The following SH2B3 variants were observed in gnomAD, a reference collection of about 807,000 sequenced individuals.
SH2B3 encodes SH2B adapter protein 3.
In SH2B3, 43 loss-of-function variants were observed where a neutral mutation model predicts 51.9. The observed-to-expected ratio is 0.83, with a 90% confidence interval of 0.65 to 1.07. SH2B3 has a LOEUF of 1.07. Ranked by LOEUF, SH2B3 falls within the 50% of genes least tolerant of loss-of-function variation. The pLI, the probability that SH2B3 is intolerant of heterozygous loss-of-function variation, is 0.00. For synonymous variants in SH2B3, 396 were observed against 376.0 expected (o/e 1.05, Z -0.62); for missense variants, 952 against 834.3 (o/e 1.14, Z -1.74).
rs1267042709 is a variant in SH2B3, at chr12:111,449,812, G to A, written c.*1510G>A. 1.3e-5 allele frequency: 2 copies of A among 152,200 alleles called. No individual in the cohort carries two copies. The highest frequency in any genetic ancestry group is 2.9e-5 in the Non-Finnish European group (2 of 68,054). The allele number at this position is 152,200 out of a possible 1,614,324, so 9.4% of individuals were successfully genotyped here. A position where few individuals can be genotyped will look rare whatever the true frequency, so the allele number is the denominator to read the frequency against. On this transcript the variant is annotated 3_prime_UTR_variant, in exon 8 of 8. Coordinates refer to ENST00000341259, the MANE Select transcript of SH2B3 (RefSeq NM_005475.3). Reference sequence around the variant, plus strand: ...CATAGGACTGACTGCCTGGGAGGAGGGTTAGGTCTGCTTCTTCCACTTATA... The same window carrying A: ...CATAGGACTGACTGCCTGGGAGGAGAGTTAGGTCTGCTTCTTCCACTTATA...
chr12:111,442,545 C>T (rs1202714263), intron 2 of SH2B3, among the ~76,000 whole-genome samples: 3 of 152,108 alleles, frequency 2.0e-5, no homozygotes, highest in Non-Finnish European at 1.5e-5. Flanking sequence ...TGGGGGTTCC[C>T]GGGGGTGGGC....
intron 6 of SH2B3, 36 bp from the exon 7 acceptor site, chr12:111,447,620 G>A (rs1874140988): frequency 6.2e-7 from 1 of 1,610,054 alleles, no homozygotes; most frequent in Admixed American, 1.7e-5. Context: ...GGGTCCTAGA[G>A]GGACAGCCCG....
At chr12:111,427,562 A>G (rs1207991856) in intron 2 of SH2B3, among the ~76,000 whole-genome samples, 1 of 152,126 alleles carries the variant, frequency 6.6e-6, no homozygotes, top group Non-Finnish European at 1.5e-5. Context: ...AGCAGCTGCT[A>G]GGCTGGAGTA....
chr12:111,418,783 G>A lies in SH2B3; in HGVS notation c.638G>A (p.Ser213Asn). The A allele has an allele frequency of 6.8e-7, 1 of 1,466,728 alleles. No homozygotes were observed. The highest frequency in any genetic ancestry group is 1.3e-5 in the South Asian group (1 of 76,508). The allele number at this position is 1,466,728 out of a possible 1,614,324, so 90.9% of individuals were successfully genotyped here. A position where few individuals can be genotyped will look rare whatever the true frequency, so the allele number is the denominator to read the frequency against. Residue 213 changes from serine (S) to asparagine (N), a missense_variant, in exon 2 of 8, where the codon AGC (serine) becomes AAC (asparagine). Physicochemically the swap from Ser to Asn is conservative, Grantham distance 46. Coordinates refer to ENST00000341259, the MANE Select transcript of SH2B3 (RefSeq NM_005475.3). The surrounding 1 kb of genome is among the most constrained non-coding windows in gnomAD (Gnocchi z 6.7). The stretch of plus-strand genomic sequence containing the variant: ...CTGGCCGACGAGGCCTCCATGGACA[G>A]CGGGGCACGCTGGCAGCGCGGGAGG... ...YSLADEASMD[S>N]GARWQRGRLA...
At chr12:111,442,503 G>A (rs1024734662) in intron 2 of SH2B3, among the ~76,000 whole-genome samples, 2 of 152,206 alleles carry the variant, frequency 1.3e-5, no homozygotes, top group Admixed American at 6.5e-5. Flanking sequence ...AGGCTCTGGG[G>A]AAGGTAAGAC....
At position 111,407,738 on chromosome 12, in the gene SH2B3, G is replaced by A. The variant is rs1169285842; in HGVS notation, c.-28+1461G>A. Among the ~76,000 whole-genome samples, 1 of 152,108 alleles carries A rather than the reference G, an allele frequency of 6.6e-6. No homozygotes were observed. Reference sequence around the variant, plus strand: ...CTAGAACTTTTGTGAGTCCCTGTGGGCCACAGAGCGGCCAGCTGGGAAGGG... The same window carrying A: ...CTAGAACTTTTGTGAGTCCCTGTGGACCACAGAGCGGCCAGCTGGGAAGGG... On this transcript the variant is annotated intron_variant, in intron 1 of 7. Coordinates refer to ENST00000341259, the MANE Select transcript of SH2B3 (RefSeq NM_005475.3). This position sits in a 1 kb window ranked among gnomAD's most constrained non-coding sequence, Gnocchi z 4.3.
At chr12:111,424,187 G>A (rs1871791906) in intron 2 of SH2B3, among the ~76,000 whole-genome samples, 1 of 152,164 alleles carries the variant, frequency 6.6e-6, no homozygotes, top group Admixed American at 6.5e-5. Flanking sequence ...CTGGCCCTGG[G>A]TTTGAATAAT....
intron 2 of SH2B3, among the ~76,000 whole-genome samples, chr12:111,430,264 T>A (rs1593053749): frequency 6.6e-6 from 1 of 152,102 alleles, no homozygotes; most frequent in African/African-American, 2.4e-5. Context: ...CTTATTGGGG[T>A]TCCATGCAAA....
Position 111,433,836 on chromosome 12 carries a change from A to G in SH2B3, c.733-12917A>G, listed in dbSNP as rs1327476889. On this transcript the variant is annotated intron_variant, in intron 2 of 7. Transcript: ENST00000341259. ...ACCATATTTCCCAGGCTGGTCTCGA[A>G]CACCTGGATTCAAGCAGTCCTCTCA... 2.6e-5 allele frequency among the ~76,000 whole-genome samples: 4 copies of G among 152,124 alleles called. No individual in the cohort carries two copies. In the East Asian group the frequency reaches 7.7e-4, roughly 29 times the overall value.
intron 7 of SH2B3, 41 bp downstream of exon 7, chr12:111,447,868 CTG>C: frequency 6.2e-7 from 1 of 1,600,194 alleles, no homozygotes; most frequent in East Asian, 2.2e-5. Flanking sequence ...GTGGCTGACA[CTG>C]GGTAGAGGGT....
intron 2 of SH2B3, among the ~76,000 whole-genome samples, chr12:111,428,513 A>G (rs1229078583): frequency 6.6e-6 from 1 of 152,160 alleles, no homozygotes; most frequent in African/African-American, 2.4e-5. Context: ...AGGCTACGGT[A>G]AGCACTGATA....
chr12:111,435,131 T>G lies in SH2B3; in HGVS notation c.733-11622T>G, dbSNP rs1165946214. On this transcript the variant is annotated intron_variant, in intron 2 of 7. Transcript: ENST00000341259. The surrounding 1 kb of genome is among the most constrained non-coding windows in gnomAD (Gnocchi z 4.8). Reference sequence around the variant, plus strand: ...CACCCGAGACGGGCGACAGAGGTTTTTTGTTGTTTCTTAACCACATCTTTT... The same window carrying G: ...CACCCGAGACGGGCGACAGAGGTTTGTTGTTGTTTCTTAACCACATCTTTT... 1 of 950,830 alleles carries G rather than the reference T, an allele frequency of 1.1e-6. No individual in the cohort carries two copies. The highest frequency in any genetic ancestry group is 2.6e-5 in the Admixed American group (1 of 39,156). The allele number at this position is 950,830 out of a possible 1,614,324, so 58.9% of individuals were successfully genotyped here.
rs978910941 is a variant in SH2B3 at position 111,435,369 on chromosome 12, TTTTTTG to T, written c.733-11377_733-11372del. Among the ~76,000 whole-genome samples the T allele has an allele frequency of 6.6e-6, 1 of 152,190 alleles. No homozygotes were observed. Among genetic ancestry groups the T allele is most frequent in the Non-Finnish European group, 1.5e-5 (1 of 68,032 alleles). Reference sequence around the variant, plus strand: ...CCTGGCTACAGTCCTCACTGGTGTTTTTTTTGTTTTTGAGAGGGCATCTTGAAGTAG... The same window carrying T: ...CCTGGCTACAGTCCTCACTGGTGTTTTTTTTGAGAGGGCATCTTGAAGTAG... On this transcript the variant is annotated intron_variant, in intron 2 of 7. Transcript: ENST00000341259. This position sits in a 1 kb window ranked among gnomAD's most constrained non-coding sequence, Gnocchi z 4.8.
chr12:111,425,733 T>C (rs1051758851), intron 2 of SH2B3, among the ~76,000 whole-genome samples: 4 of 152,156 alleles, frequency 2.6e-5, no homozygotes, highest in Admixed American at 1.3e-4. Flanking sequence ...CCCTCCAGGC[T>C]ACCTGTGGTC....
intron 2 of SH2B3, among the ~76,000 whole-genome samples, chr12:111,434,274 T>C (rs545439240): frequency 3.3e-5 from 5 of 152,330 alleles, no homozygotes; most frequent in African/African-American, 1.2e-4. Flanking sequence ...AGAACATTTC[T>C]ATCACCCTAG....
intron 2 of SH2B3, among the ~76,000 whole-genome samples, chr12:111,445,611 T>C (rs1873875551): frequency 6.6e-6 from 1 of 152,212 alleles, no homozygotes; most frequent in East Asian, 1.9e-4. Flanking sequence ...GTCATTACTC[T>C]CCCCCAGCCT....
chr12:111,405,236 G>C (rs922413124), upstream of SH2B3, among the ~76,000 whole-genome samples: 1 of 152,232 alleles, frequency 6.6e-6, no homozygotes, highest in African/African-American at 2.4e-5. This position sits in a 1 kb window ranked among gnomAD's most constrained non-coding sequence, Gnocchi z 5.4. Flanking sequence ...GGGACAGGAC[G>C]GGCGGCCGGA....
intron 2 of SH2B3, among the ~76,000 whole-genome samples, chr12:111,419,481 A>C (rs1871366139): frequency 6.6e-6 from 1 of 152,140 alleles, no homozygotes; most frequent in Non-Finnish European, 1.5e-5. Context: ...TACTAAAAAT[A>C]TAAAAAATTA....
At chr12:111,424,260 CT>C (rs776484562) in intron 2 of SH2B3, among the ~76,000 whole-genome samples, 3 of 152,072 alleles carry the variant, frequency 2.0e-5, no homozygotes, top group African/African-American at 4.8e-5. Flanking sequence ...CAGTTTCCCC[CT>C]CTGTACATTG....
Sources: allele counts gnomAD v4.1 joint callset (sites outside exome capture counted in the v4.1 genomes callset), GRCh38; gene constraint gnomAD v4.1.1; non-coding constraint Gnocchi (gnomAD v3.1); transcripts MANE v1.5; gene names NCBI Gene and HGNC (gene_info 2026-07-23, HGNC 2026-07-21).